The following NSMCE2 variants were observed in gnomAD, a reference collection of about 807,000 sequenced individuals.
NSMCE2 encodes E3 SUMO-protein ligase NSE2.
NSMCE2 carries 24 observed loss-of-function variants against 23.8 expected under a neutral mutation model. That is an observed-to-expected ratio of 1.01 (90% CI 0.73 to 1.42). The LOEUF (loss-of-function observed/expected upper bound fraction) is 1.42. Ranked by LOEUF, NSMCE2 falls within the 40% of genes most tolerant of loss-of-function variation. NSMCE2 has a pLI of 0.00. For missense variants in NSMCE2, 284 were observed against 296.5 expected (o/e 0.96, Z 0.31); for synonymous variants, 92 against 94.1 (o/e 0.98, Z 0.13).
At chr8:125,334,772 CTTTTTTTTT>C (rs34213706) in intron 5 of NSMCE2, among the ~76,000 whole-genome samples, 34 of 55,878 alleles carry the variant, frequency 6.1e-4, no homozygotes, top group Middle Eastern at 0.017. Context: ...AGTATCTTTT[CTTTTTTTTT>C]TTTTTTTTTT....
rs753894675 is a variant in NSMCE2, at chr8:125,182,113, A to G, written c.275A>G (p.Glu92Gly). ...TGTTGTCTCCCTTAGGTGAAAGAAG[A>G]ACGTCCAGAAAAAATACCAGATTTA... is the stretch of plus-strand genomic sequence containing the variant. Reference protein sequence around the residue: ...VQSTINHVKEERPEKIPDLKL... With the variant: ...VQSTINHVKEGRPEKIPDLKL... The change falls in exon 5 of 8, where the codon GAA becomes GGA. Residue 92 changes from glutamate to glycine, a missense_variant. Glu to Gly is a moderately conservative substitution (Grantham distance 98). This residue lies in a region of NSMCE2 where 182 missense variants were observed against 155.5 expected (regional missense o/e 1.17). Coordinates refer to ENST00000287437, the MANE Select transcript of NSMCE2 (RefSeq NM_173685.4). 1 of 1,594,246 alleles carries G rather than the reference A, an allele frequency of 6.3e-7. No individual in the cohort carries two copies. Among genetic ancestry groups the G allele is most frequent in the South Asian group, 1.2e-5 (1 of 86,698 alleles).
chr8:125,291,492 T>C (rs1042739967), intron 5 of NSMCE2, among the ~76,000 whole-genome samples: 6 of 152,128 alleles, frequency 3.9e-5, no homozygotes, highest in African/African-American at 1.4e-4. Context: ...AAGTGCACAA[T>C]AGGAGATATA....
At chr8:125,241,360 C>T (rs1435225744) in intron 5 of NSMCE2, among the ~76,000 whole-genome samples, 1 of 152,120 alleles carries the variant, frequency 6.6e-6, no homozygotes, top group Non-Finnish European at 1.5e-5. Context: ...GATAGGCAAT[C>T]AAATATACAA....
chr8:125,209,014 G>T (rs958480327), intron 5 of NSMCE2, among the ~76,000 whole-genome samples: 1 of 152,052 alleles, frequency 6.6e-6, no homozygotes, highest in East Asian at 1.9e-4. Flanking sequence ...GTCTTGCTGT[G>T]TTGCCCAGGC....
intron 5 of NSMCE2, among the ~76,000 whole-genome samples, chr8:125,312,481 G>A (rs1384612430): frequency 3.9e-5 from 6 of 152,106 alleles, no homozygotes; most frequent in South Asian, 2.1e-4. Context: ...AAAATTAGCC[G>A]GGCGTGGGTG....
At chr8:125,284,140 C>T (rs1021725554) in intron 5 of NSMCE2, among the ~76,000 whole-genome samples, 6 of 136,012 alleles carry the variant, frequency 4.4e-5, no homozygotes, top group East Asian at 4.2e-4. Context: ...GGCAACAGAG[C>T]GAGACTCCGG....
intron 4 of NSMCE2, among the ~76,000 whole-genome samples, chr8:125,175,472 C>T (rs1469411172): frequency 6.6e-6 from 1 of 152,232 alleles, no homozygotes; most frequent in Non-Finnish European, 1.5e-5. Flanking sequence ...CTGTGATAAA[C>T]TTCTGAAGGC....
chr8:125,265,775 G>C (rs1371531985), intron 5 of NSMCE2, among the ~76,000 whole-genome samples: 1 of 152,128 alleles, frequency 6.6e-6, no homozygotes, highest in Non-Finnish European at 1.5e-5. Context: ...CACTTAAAAT[G>C]CCTAGTTTTC....
intron 4 of NSMCE2, among the ~76,000 whole-genome samples, chr8:125,160,706 C>T (rs947963456): frequency 1.1e-4 from 16 of 152,158 alleles, no homozygotes; most frequent in African/African-American, 3.6e-4. Context: ...AACCAGACAA[C>T]AAGTAAACAT....
At chr8:125,284,086 A>C (rs1176637179) in intron 5 of NSMCE2, among the ~76,000 whole-genome samples, 1 of 151,664 alleles carries the variant, frequency 6.6e-6, no homozygotes, top group Non-Finnish European at 1.5e-5. Context: ...CCTGGGAAGC[A>C]GAGCTTGCAG....
chr8:125,110,543 T>G (rs1818679173), intron 3 of NSMCE2, among the ~76,000 whole-genome samples: 2 of 152,198 alleles, frequency 1.3e-5, no homozygotes, highest in Admixed American at 1.3e-4. Context: ...GTCCCCACTT[T>G]ACACATGAGA....
chr8:125,208,551 A>G (rs1824204037), intron 5 of NSMCE2, among the ~76,000 whole-genome samples: 2 of 152,246 alleles, frequency 1.3e-5, no homozygotes, highest in Admixed American at 1.3e-4. Flanking sequence ...GTGGAAATAG[A>G]TATTTAAAAT....
At chr8:125,298,360 G>GT (rs925674956) in intron 5 of NSMCE2, among the ~76,000 whole-genome samples, 11 of 152,196 alleles carry the variant, frequency 7.2e-5, no homozygotes, top group African/African-American at 2.2e-4. Flanking sequence ...TTTGAGGCAT[G>GT]TACTACAAAA....
chr8:125,151,038 G>A (rs1563681760), intron 3 of NSMCE2, 133 bp from the exon 4 acceptor site: 1 of 446,142 alleles, frequency 2.2e-6, no homozygotes, highest in African/African-American at 2.0e-5. Flanking sequence ...TTTTGAGGAG[G>A]TTTTTTTAAA....
intron 5 of NSMCE2, among the ~76,000 whole-genome samples, chr8:125,275,958 A>G (rs1421767311): frequency 6.6e-6 from 1 of 152,174 alleles, no homozygotes; most frequent in East Asian, 1.9e-4. Flanking sequence ...CCAATGTCTT[A>G]GAGTAGTCAC....
intron 5 of NSMCE2, among the ~76,000 whole-genome samples, chr8:125,288,071 C>T (rs932182559): frequency 6.6e-6 from 1 of 152,214 alleles, no homozygotes; most frequent in South Asian, 2.1e-4. Context: ...AGCGATCCTC[C>T]TGCCTCAGCC....
intron 4 of NSMCE2, among the ~76,000 whole-genome samples, chr8:125,168,169 G>A (rs1821993881): frequency 6.6e-6 from 1 of 152,102 alleles, no homozygotes; most frequent in Non-Finnish European, 1.5e-5. Flanking sequence ...CTTCCTAAGA[G>A]CATAATGTCT....
intron 3 of NSMCE2, among the ~76,000 whole-genome samples, chr8:125,110,764 T>TG (rs1389217662): frequency 1.1e-3 from 159 of 144,578 alleles, no homozygotes; most frequent in African/African-American, 3.7e-3. Context: ...TTGTTGTTGT[T>TG]TTTTTTTTTT....
chr8:125,243,543 A>G (rs929118708), intron 5 of NSMCE2, among the ~76,000 whole-genome samples: 3 of 152,162 alleles, frequency 2.0e-5, no homozygotes, highest in African/African-American at 7.2e-5. Context: ...ATTGTCATTG[A>G]AAATTGAGGA....
Sources: gnomAD v4.1 joint callset for allele counts (sites outside exome capture counted in the v4.1 genomes callset) on GRCh38, gnomAD v4.1.1 for gene constraint, gnomAD v4.1.1 regional missense constraint, MANE v1.5 for transcripts, NCBI Gene and HGNC (gene_info 2026-07-23, HGNC 2026-07-21) for gene names.